Variants in SERPINA5 observed in about 807,000 individuals in gnomAD.
The protein encoded by SERPINA5 is serpin family A member 5.
Under a neutral mutation model 25.3 loss-of-function variants are expected in SERPINA5, and 25 were observed. The observed-to-expected ratio is 0.99, with a 90% CI of 0.72 to 1.38. The LOEUF (loss-of-function observed/expected upper bound fraction) is 1.38. SERPINA5 is among the 40% of genes most tolerant of loss of function. The pLI is 0.00. For missense variants in SERPINA5, 599 were observed against 509.5 expected (o/e 1.18, Z -1.69); for synonymous variants, 234 against 206.2 (o/e 1.14, Z -1.16).
rs147867587 is a variant in SERPINA5 at position 94,590,114 on chromosome 14, G to A, written c.693G>A (p.Val231=). ...QDFYVTSETV[V]RVPMMSREDQ... ...TCTACGTGACCTCGGAGACTGTGGTGCGGGTACCCATGATGAGCCGCGAGG... is the reference window on the plus strand; with the variant it reads ...TCTACGTGACCTCGGAGACTGTGGTACGGGTACCCATGATGAGCCGCGAGG... Residue 231 remains valine (V), a synonymous_variant, in exon 4 of 6, where the codon GTG becomes GTA. Coordinates refer to ENST00000329597, the MANE Select transcript of SERPINA5 (RefSeq NM_000624.6). The A allele has an allele frequency of 1.5e-4, 247 of 1,613,996 alleles. No individual in the cohort carries two copies. The African/African-American group carries it at 2.8e-3, about 18-fold the overall frequency.
Position 94,587,173 on chromosome 14 carries a change from G to A in SERPINA5, c.-17-173G>A, listed in dbSNP as rs2069971. On this transcript the variant is annotated intron_variant, in intron 2 of 5. Coordinates refer to ENST00000329597, the MANE Select transcript of SERPINA5 (RefSeq NM_000624.6). ...CCCGTCATCCCTAAATCTTGTCCTCGAGCCACTGCCACCCTGTGTAAACCC... is the reference window on the plus strand; with the variant it reads ...CCCGTCATCCCTAAATCTTGTCCTCAAGCCACTGCCACCCTGTGTAAACCC... Among the ~76,000 whole-genome samples, 1,053 of 152,072 alleles carry A rather than the reference G, an allele frequency of 6.9e-3. 19 individuals carry two copies. The highest frequency in any genetic ancestry group is 0.023 in the African/African-American group (963 of 41,466).
intron 2 of SERPINA5, among the ~76,000 whole-genome samples, chr14:94,584,894 C>T (rs997475634): frequency 1.1e-4 from 16 of 152,132 alleles, no homozygotes; most frequent in African/African-American, 2.7e-4. Flanking sequence ...TTAGAGAAGC[C>T]GGAGATTAAA....
chr14:94,590,425 G>T (rs780469673), intron 4 of SERPINA5, 114 bp downstream of exon 4: 232 of 1,320,682 alleles, frequency 1.8e-4, no homozygotes, highest in Middle Eastern at 1.4e-3. Context: ...CCAAGGAGCT[G>T]CCTCCAGGCC....
chr14:94,591,873 A>G (rs994921458), intron 5 of SERPINA5, among the ~76,000 whole-genome samples, 184 bp from the exon 6 acceptor site: 2 of 152,226 alleles, frequency 1.3e-5, no homozygotes, highest in Non-Finnish European at 2.9e-5. Flanking sequence ...GACACATGCG[A>G]AGTCACCCCC....
intron 2 of SERPINA5, among the ~76,000 whole-genome samples, chr14:94,585,764 C>CGTGTGTGTGT (rs3138588): frequency 0.022 from 3,138 of 145,802 alleles, 46 homozygotes; most frequent in African/African-American, 0.025. Context: ...CAGGCTCACA[C>CGTGTGTGTGT]GTGTGTGTGT....
intron 2 of SERPINA5, among the ~76,000 whole-genome samples, chr14:94,584,037 T>C (rs1423471815): frequency 6.6e-6 from 1 of 152,182 alleles, no homozygotes; most frequent in Non-Finnish European, 1.5e-5. Context: ...GTTAGGATAA[T>C]GATACTAACT....
In SERPINA5 at chr14:94,587,407, G is replaced by C. The variant is rs1401578781; in HGVS notation, c.45G>C (p.Gln15His). The C allele has an allele frequency of 6.2e-7, 1 of 1,613,586 alleles. No homozygotes were observed. The highest frequency in any genetic ancestry group is 8.5e-7 in the Non-Finnish European group (1 of 1,179,794). The change falls in exon 3 of 6, where the codon CAG (glutamine) becomes CAC (histidine). Residue 15 changes from glutamine (Q) to histidine (H), a missense_variant. Transcript: ENST00000329597. ...LLLCLVLLSP[Q>H]GASLHRHHPR... Reference sequence around the variant, plus strand: ...TGTGCCTGGTGCTTCTCAGCCCTCAGGGGGCCTCCCTTCACCGCCACCACC... The same window carrying C: ...TGTGCCTGGTGCTTCTCAGCCCTCACGGGGCCTCCCTTCACCGCCACCACC...
chr14:94,590,633 G>T, intron 4 of SERPINA5, 116 bp from the exon 5 acceptor site: 1 of 1,196,388 alleles, frequency 8.4e-7, no homozygotes, highest in Non-Finnish European at 1.2e-6. Flanking sequence ...TTGGGTTAAG[G>T]AGTCCTTTTT....
chr14:94,591,248 AT>A (rs1307397049), intron 5 of SERPINA5, among the ~76,000 whole-genome samples: 1 of 58,038 alleles, frequency 1.7e-5, no homozygotes, highest in Admixed American at 1.9e-4. Context: ...CACTCCACTC[AT>A]CCACTCCACT....
At chr14:94,583,380 C>G (rs1884976184) in intron 2 of SERPINA5, among the ~76,000 whole-genome samples, 1 of 152,246 alleles carries the variant, frequency 6.6e-6, no homozygotes, top group African/African-American at 2.4e-5. Context: ...GGAGATAGAA[C>G]GGACAAGCTT....
rs1270757812 is a variant in SERPINA5, at chr14:94,587,982, G to A, written c.619+1G>A. 6.2e-7 allele frequency: 1 copy of A among 1,611,524 alleles called. No individual in the cohort carries two copies. Among genetic ancestry groups the A allele is most frequent in the Admixed American group, 1.7e-5 (1 of 59,874 alleles). On this transcript the variant is annotated splice_donor_variant, in intron 3 of 5. Coordinates refer to ENST00000329597, the MANE Select transcript of SERPINA5 (RefSeq NM_000624.6). LOFTEE classifies it high-confidence loss of function. ...ATGGTGAATTACATCTTCTTTAAAGGTAAGGCCCTTGGGCCCAAACCTGCA... is the reference window on the plus strand; with the variant it reads ...ATGGTGAATTACATCTTCTTTAAAGATAAGGCCCTTGGGCCCAAACCTGCA...
rs1803280 is a variant in SERPINA5 at position 94,587,935 on chromosome 14, C to A, written c.573C>A (p.Leu191=). Residue 191 remains leucine, a synonymous_variant, in exon 3 of 6, where the codon CTC becomes CTA. Transcript: ENST00000329597. ...KGKIVDLLKN[L]DSNAVVIMVN... is the part of the protein sequence containing the mutation. ...AGATTGTGGACTTGCTTAAGAACCT[C>A]GATAGCAATGCGGTCGTGATCATGG... 6.2e-7 allele frequency: 1 copy of A among 1,614,234 alleles called. No individual in the cohort carries two copies. Among genetic ancestry groups the A allele is most frequent in the South Asian group, 1.1e-5 (1 of 91,086 alleles).
At chr14:94,591,016 A>ACTCCC in intron 5 of SERPINA5, 120 bp downstream of exon 5, 1 of 877,212 alleles carries the variant, frequency 1.1e-6, no homozygotes, top group Non-Finnish European at 1.6e-6. Flanking sequence ...ACTCCACTCC[A>ACTCCC]CTCCAGTTCA....
chr14:94,591,611 T>TCTATTCTATTCTATTCTATTCTA (rs1885304276), intron 5 of SERPINA5, among the ~76,000 whole-genome samples: 1 of 151,792 alleles, frequency 6.6e-6, no homozygotes, highest in East Asian at 1.9e-4. Context: ...TCTATTCTAT[T>TCTATTCTATTCTATTCTATTCTA]CTCTCCCTCT....
rs572042394 is a variant in SERPINA5, at chr14:94,592,371, T to C, written c.*132T>C. 9.5e-4 allele frequency: 833 copies of C among 872,334 alleles called. 12 individuals carry two copies. In the South Asian group the frequency reaches 0.014, roughly 15 times the overall value. The allele number at this position is 872,334 out of a possible 1,614,324, so 54.0% of individuals were successfully genotyped here. A position where few individuals can be genotyped will look rare whatever the true frequency, so the allele number is the denominator to read the frequency against. On this transcript the variant is annotated 3_prime_UTR_variant, in exon 6 of 6. Transcript: ENST00000329597. ...ACTAATGAGGCATTACAAATAATATTACTCTATGATGATTGCTTCCACCCA... is the reference window on the plus strand; with the variant it reads ...ACTAATGAGGCATTACAAATAATATCACTCTATGATGATTGCTTCCACCCA...
chr14:94,590,507 T>C, intron 4 of SERPINA5, 196 bp downstream of exon 4: 1 of 844,368 alleles, frequency 1.2e-6, no homozygotes, highest in African/African-American at 1.7e-5. Context: ...GAAACTGGGT[T>C]CCTTAGGGTG....
intron 4 of SERPINA5, chr14:94,590,519 T>A: frequency 1.2e-6 from 1 of 815,004 alleles, no homozygotes; most frequent in Non-Finnish European, 1.8e-6. Flanking sequence ...CTTAGGGTGG[T>A]GCCAGAGTGG....
intron 5 of SERPINA5, among the ~76,000 whole-genome samples, chr14:94,591,698 C>T (rs1885307499): frequency 6.6e-6 from 1 of 152,148 alleles, no homozygotes; most frequent in African/African-American, 2.4e-5. Flanking sequence ...ATATCCACCA[C>T]TGTTCCTTGA....
chr14:94,587,942 A>C lies in SERPINA5; in HGVS notation c.580A>C (p.Asn194His). ...IVDLLKNLDS[N>H]AVVIMVNYIF... ...GGACTTGCTTAAGAACCTCGATAGCAATGCGGTCGTGATCATGGTGAATTA... is the reference window on the plus strand; with the variant it reads ...GGACTTGCTTAAGAACCTCGATAGCCATGCGGTCGTGATCATGGTGAATTA... Residue 194 changes from asparagine (N) to histidine (H), a missense_variant, in exon 3 of 6, where the codon AAT becomes CAT. Asn to His is a moderately conservative substitution (Grantham distance 68). Coordinates refer to ENST00000329597, the MANE Select transcript of SERPINA5 (RefSeq NM_000624.6). 6.2e-7 allele frequency: 1 copy of C among 1,614,228 alleles called. No individual in the cohort carries two copies. Among genetic ancestry groups the C allele is most frequent in the Non-Finnish European group, 8.5e-7 (1 of 1,180,024 alleles).
Sources: gnomAD v4.1 joint callset for allele counts (sites outside exome capture counted in the v4.1 genomes callset) on GRCh38, gnomAD v4.1.1 for gene constraint, MANE v1.5 for transcripts, NCBI Gene and HGNC (gene_info 2026-07-23, HGNC 2026-07-21) for gene names.